The following MXI1 variants were observed in gnomAD, a reference collection of about 807,000 sequenced individuals.
The protein encoded by MXI1 is MAX interactor 1, dimerization protein, also known as max-interacting protein 1.
Under a neutral mutation model 36.9 loss-of-function variants are expected in MXI1, and 18 were observed. That is an observed-to-expected ratio of 0.49 (90% CI 0.34 to 0.72). MXI1 has a LOEUF of 0.72. MXI1 is among the 30% of genes least tolerant of loss of function. MXI1 has a pLI of 0.01. For synonymous variants in MXI1, 160 were observed against 146.7 expected, an observed-to-expected ratio of 1.09 and a Z score of -0.65; for missense variants, 304 against 379.1, an observed-to-expected ratio of 0.80 and a Z score of 1.64.
intron 1 of MXI1, chr10:110,227,581 G>T (rs1554854634): frequency 3.1e-6 from 3 of 978,448 alleles, no homozygotes; most frequent in Non-Finnish European, 3.6e-6. Context: ...ACGGATGCTG[G>T]GGGGGGTCAG....
chr10:110,270,197 C>T (rs1856811772), intron 3 of MXI1, among the ~76,000 whole-genome samples: 2 of 152,166 alleles, frequency 1.3e-5, no homozygotes, highest in South Asian at 4.1e-4. Context: ...ATTTCCCAGA[C>T]TTTGAAACTT....
At chr10:110,280,612 G>A (rs893878366) in intron 5 of MXI1, among the ~76,000 whole-genome samples, 37 of 151,542 alleles carry the variant, frequency 2.4e-4, no homozygotes, top group African/African-American at 8.7e-4. Flanking sequence ...CCCGGGAGGC[G>A]GAGCTTGCAG....
chr10:110,216,665 G>GTTTTTTTTTTTTTTTTTTTTTTTTTTT lies in MXI1; in HGVS notation c.274+8603_274+8604insTTTTTTTTTTTTTTTTTTTTTTTTTTT, dbSNP rs10656872. On this transcript the variant is annotated intron_variant, in intron 1 of 5. Coordinates refer to ENST00000332674, the MANE Select transcript of MXI1 (RefSeq NM_130439.3). ...CCTGTCTCCCCTATCTGTGTTTAATGTTTTTTTTTTTTTTTTTTTTGGAGA... is the reference window on the plus strand; with the variant it reads ...CCTGTCTCCCCTATCTGTGTTTAATGTTTTTTTTTTTTTTTTTTTTTTTTTTTTTTTTTTTTTTTTTTTTTTTGGAGA... Among the ~76,000 whole-genome samples the GTTTTTTTTTTTTTTTTTTTTTTTTTTT allele has an allele frequency of 1.3e-3, 104 of 79,052 alleles. 17 individuals are homozygous for GTTTTTTTTTTTTTTTTTTTTTTTTTTT. The highest frequency in any genetic ancestry group is 2.0e-3 in the African/African-American group (25 of 12,586). The allele number at this position is 79,052 out of a possible 152,430, so 51.9% of individuals were successfully genotyped here. A position where few individuals can be genotyped will look rare whatever the true frequency, so the allele number is the denominator to read the frequency against.
intron 3 of MXI1, among the ~76,000 whole-genome samples, chr10:110,263,605 A>G (rs1160112604): frequency 6.6e-6 from 1 of 152,144 alleles, no homozygotes; most frequent in Non-Finnish European, 1.5e-5. Flanking sequence ...TTTCCTTAGA[A>G]TTTTTGGAAT....
intron 3 of MXI1, among the ~76,000 whole-genome samples, chr10:110,252,489 T>G (rs1476218998): frequency 1.3e-5 from 2 of 152,144 alleles, no homozygotes; most frequent in African/African-American, 4.8e-5. Context: ...AAAGCCCTGC[T>G]CTAGTTCTTC....
At chr10:110,268,720 C>T (rs1053119105) in intron 3 of MXI1, among the ~76,000 whole-genome samples, 7 of 151,242 alleles carry the variant, frequency 4.6e-5, no homozygotes, top group Non-Finnish European at 1.0e-4. Context: ...CCAAAAGTTA[C>T]TCTCAAAAAC....
chr10:110,285,109 C>A lies in MXI1; in HGVS notation c.*122C>A. The A allele has an allele frequency of 1.0e-6, 1 of 972,354 alleles. No individual in the cohort carries two copies. Among genetic ancestry groups the A allele is most frequent in the Non-Finnish European group, 1.4e-6 (1 of 705,806 alleles). 60.2% of individuals were successfully genotyped at this position (972,354 alleles called of 1,614,324 possible). Reference sequence around the variant, plus strand: ...TAAAACAAAACAAAACAAAACAAAACTATACTTGAACAAAAGGGTCAGAGG... The same window carrying A: ...TAAAACAAAACAAAACAAAACAAAAATATACTTGAACAAAAGGGTCAGAGG... On this transcript the variant is annotated 3_prime_UTR_variant, in exon 6 of 6. Transcript: ENST00000332674.
Position 110,286,455 on chromosome 10 carries a change from T to A in MXI1, c.*1468T>A, listed in dbSNP as rs1483221843. The A allele has an allele frequency of 6.6e-6, 1 of 151,618 alleles. No individual in the cohort carries two copies. Among genetic ancestry groups the A allele is most frequent in the Non-Finnish European group, 1.5e-5 (1 of 67,962 alleles). The allele number at this position is 151,618 out of a possible 1,614,324, so 9.4% of individuals were successfully genotyped here. A position where few individuals can be genotyped will look rare whatever the true frequency, so the allele number is the denominator to read the frequency against. On this transcript the variant is annotated 3_prime_UTR_variant, in exon 6 of 6. Transcript: ENST00000332674. ...GACCTTACCCCTGGCTGTTTGGACT[T>A]TGTATACTTTAAATAATTTAACTAC...
chr10:110,256,088 C>CAACTGGATACCTACAT (rs1393538303), intron 3 of MXI1, among the ~76,000 whole-genome samples: 2 of 152,154 alleles, frequency 1.3e-5, no homozygotes, highest in African/African-American at 4.8e-5. Flanking sequence ...AGAGCGGACA[C>CAACTGGATACCTACAT]AACTGGATAC....
intron 3 of MXI1, among the ~76,000 whole-genome samples, chr10:110,273,509 T>G (rs575233908): frequency 3.9e-5 from 6 of 152,262 alleles, no homozygotes; most frequent in East Asian, 3.9e-4. Context: ...CAGGGTTTTT[T>G]GGGGGGATAA....
chr10:110,275,798 C>G (rs984948184), intron 3 of MXI1, among the ~76,000 whole-genome samples: 1 of 152,190 alleles, frequency 6.6e-6, no homozygotes, highest in African/African-American at 2.4e-5. Flanking sequence ...GGAAATAATT[C>G]ACTGTTCATC....
At chr10:110,277,528 T>A (rs1324155118) in intron 3 of MXI1, among the ~76,000 whole-genome samples, 1 of 152,196 alleles carries the variant, frequency 6.6e-6, no homozygotes, top group Non-Finnish European at 1.5e-5. Flanking sequence ...CAGTTAAAAA[T>A]GAAAATTTTG....
Position 110,207,758 on chromosome 10 carries a change from C to A in MXI1, c.-51C>A. On this transcript the variant is annotated 5_prime_UTR_variant, in exon 1 of 6. Transcript: ENST00000332674. ...TCTCCCTGGGGGCCCGGAGCTCGGCCGGGCCGCGCAGCCCCGTTAGAGGAC... is the reference window on the plus strand; with the variant it reads ...TCTCCCTGGGGGCCCGGAGCTCGGCAGGGCCGCGCAGCCCCGTTAGAGGAC... The A allele has an allele frequency of 1.8e-6, 2 of 1,113,748 alleles. No homozygotes were observed. Among genetic ancestry groups the A allele is most frequent in the South Asian group, 3.4e-5 (1 of 29,108 alleles). The allele number at this position is 1,113,748 out of a possible 1,614,324, so 69.0% of individuals were successfully genotyped here.
chr10:110,268,071 T>G (rs948918199), intron 3 of MXI1, among the ~76,000 whole-genome samples: 1 of 152,218 alleles, frequency 6.6e-6, no homozygotes, highest in South Asian at 2.1e-4. Flanking sequence ...GTGGTCAATA[T>G]GTTCTTGCTG....
chr10:110,221,127 A>T (rs1343106836), intron 1 of MXI1, among the ~76,000 whole-genome samples: 1 of 152,234 alleles, frequency 6.6e-6, no homozygotes, highest in Non-Finnish European at 1.5e-5. Flanking sequence ...TCCTTGGGGA[A>T]GAATGAACCA....
At chr10:110,284,706 A>C in intron 5 of MXI1, 118 bp from the exon 6 acceptor site, 1 of 968,272 alleles carries the variant, frequency 1.0e-6, no homozygotes, top group Non-Finnish European at 1.5e-6. Context: ...TCCAGACATC[A>C]CTGATAATAA....
intron 1 of MXI1, chr10:110,226,312 C>T (rs1220829211): frequency 8.1e-6 from 12 of 1,479,632 alleles, no homozygotes; most frequent in Non-Finnish European, 1.1e-5. Flanking sequence ...TGCGTGAGCC[C>T]GAGCGCTACT....
chr10:110,222,252 C>T (rs1313180505), intron 1 of MXI1, among the ~76,000 whole-genome samples: 1 of 152,178 alleles, frequency 6.6e-6, no homozygotes, highest in Non-Finnish European at 1.5e-5. Context: ...AAACGCCCAT[C>T]CTTAAAGATA....
intron 5 of MXI1, among the ~76,000 whole-genome samples, chr10:110,280,888 T>C (rs1008828043): frequency 2.6e-4 from 39 of 152,252 alleles, no homozygotes; most frequent in African/African-American, 8.7e-4. Context: ...AAAAGAATGG[T>C]TTGAATTTTA....
Sources: allele counts gnomAD v4.1 joint callset (sites outside exome capture counted in the v4.1 genomes callset), GRCh38; gene constraint gnomAD v4.1.1; transcripts MANE v1.5; gene names NCBI Gene and HGNC (gene_info 2026-07-23, HGNC 2026-07-21).